Variants in RAB3C observed in about 807,000 individuals in gnomAD.
RAB3C encodes ras-related protein Rab-3C.
Under a neutral mutation model 26.4 loss-of-function variants are expected in RAB3C, and 17 were observed. The ratio of observed to expected loss-of-function variants is 0.64; its 90% confidence interval spans 0.44 to 0.97. RAB3C has a LOEUF of 0.97. RAB3C is among the 50% of genes least tolerant of loss of function. RAB3C has a pLI of 0.00. For synonymous variants in RAB3C, 91 were observed against 95.9 expected (o/e 0.95, Z 0.30); for missense variants, 242 against 281.9 (o/e 0.86, Z 1.01).
At chr5:58,790,919 C>T (rs1223877266) in intron 3 of RAB3C, among the ~76,000 whole-genome samples, 1 of 152,106 alleles carries the variant, frequency 6.6e-6, no homozygotes, top group African/African-American at 2.4e-5. Context: ...AGGTCTGTCT[C>T]GCTGGATCAG....
At chr5:58,818,713 T>C (rs1420671005) in intron 3 of RAB3C, among the ~76,000 whole-genome samples, 1 of 152,200 alleles carries the variant, frequency 6.6e-6, no homozygotes, top group African/African-American at 2.4e-5. Flanking sequence ...TCTTTTCACA[T>C]GTATACTGTT....
rs140821619 is a variant in RAB3C, at chr5:58,652,980, G to C, written c.252+35110G>C. On this transcript the variant is annotated intron_variant, in intron 2 of 4. Transcript: ENST00000282878. ...ATTTAGGGAAAAAAAAGCTATTTTT[G>C]TATTATTATACTTTAACTTCTAGGA... is the stretch of plus-strand genomic sequence containing the variant. 1.3e-4 allele frequency among the ~76,000 whole-genome samples: 20 copies of C among 152,184 alleles called. No individual in the cohort carries two copies. The East Asian group carries it at 3.9e-3, about 29-fold the overall frequency.
chr5:58,616,285 G>A (rs1746824200), intron 1 of RAB3C, among the ~76,000 whole-genome samples: 1 of 152,144 alleles, frequency 6.6e-6, no homozygotes, highest in Admixed American at 6.6e-5. Context: ...CTTGAAATGT[G>A]GCTAGTAGGA....
At position 58,851,413 on chromosome 5, in the gene RAB3C, T is replaced by G; in HGVS notation, c.*62T>G. Reference sequence around the variant, plus strand: ...GTTGCCAACAAACAGCATTTGTAAATGGTCTATTAGCCTTCATTTATACTG... The same window carrying G: ...GTTGCCAACAAACAGCATTTGTAAAGGGTCTATTAGCCTTCATTTATACTG... On this transcript the variant is annotated 3_prime_UTR_variant, in exon 5 of 5. Coordinates refer to ENST00000282878, the MANE Select transcript of RAB3C (RefSeq NM_138453.4). 1 of 1,362,776 alleles carries G rather than the reference T, an allele frequency of 7.3e-7. No homozygotes were observed. The allele number at this position is 1,362,776 out of a possible 1,614,324, so 84.4% of individuals were successfully genotyped here.
intron 2 of RAB3C, among the ~76,000 whole-genome samples, chr5:58,671,137 AT>A (rs1166178795): frequency 2.0e-5 from 3 of 152,112 alleles, no homozygotes; most frequent in Non-Finnish European, 4.4e-5. Flanking sequence ...CTGATGATTG[AT>A]TGCCTGTTGT....
intron 2 of RAB3C, among the ~76,000 whole-genome samples, chr5:58,679,438 C>T (rs760316923): frequency 5.9e-5 from 9 of 152,106 alleles, no homozygotes; most frequent in Non-Finnish European, 1.2e-4. Flanking sequence ...ATATTTGGAG[C>T]GCTTCAATCT....
At chr5:58,630,962 A>C (rs1747174788) in intron 2 of RAB3C, among the ~76,000 whole-genome samples, 1 of 152,206 alleles carries the variant, frequency 6.6e-6, no homozygotes, top group Admixed American at 6.5e-5. Flanking sequence ...ATCTTCTGAC[A>C]ATAGGTGGCT....
At chr5:58,648,282 A>G (rs1019470) in intron 2 of RAB3C, among the ~76,000 whole-genome samples, 11,234 of 152,124 alleles carry the variant, frequency 0.074, 1,050 homozygotes, top group African/African-American at 0.22. Context: ...GATTTTGTTT[A>G]TTTACCCATC....
At chr5:58,695,195 TC>T (rs1748669139) in intron 2 of RAB3C, among the ~76,000 whole-genome samples, 1 of 150,896 alleles carries the variant, frequency 6.6e-6, no homozygotes, top group South Asian at 2.1e-4. Flanking sequence ...GGAATCCATT[TC>T]TTGTTTTTGT....
chr5:58,670,693 G>A (rs1055181491), intron 2 of RAB3C, among the ~76,000 whole-genome samples: 4 of 152,168 alleles, frequency 2.6e-5, no homozygotes, highest in Non-Finnish European at 4.4e-5. Context: ...CTGTCCGCCC[G>A]AAGTGTAACT....
At chr5:58,812,554 T>A (rs1465613852) in intron 3 of RAB3C, among the ~76,000 whole-genome samples, 1 of 152,222 alleles carries the variant, frequency 6.6e-6, no homozygotes, top group Non-Finnish European at 1.5e-5. Flanking sequence ...ATTTGCAAGG[T>A]CTTGGTGTGG....
At chr5:58,646,928 A>G (rs1424101893) in intron 2 of RAB3C, among the ~76,000 whole-genome samples, 1 of 152,240 alleles carries the variant, frequency 6.6e-6, no homozygotes, top group Non-Finnish European at 1.5e-5. Context: ...TAAGGAGAAT[A>G]GTAATCACAC....
chr5:58,603,967 G>A (rs946798402), intron 1 of RAB3C, among the ~76,000 whole-genome samples: 3 of 152,164 alleles, frequency 2.0e-5, no homozygotes, highest in Admixed American at 2.0e-4. Context: ...GCTGAAGGCT[G>A]TTGTTCAGAT....
intron 2 of RAB3C, among the ~76,000 whole-genome samples, chr5:58,619,078 A>C (rs1020634393): frequency 6.6e-6 from 1 of 152,232 alleles, no homozygotes; most frequent in Non-Finnish European, 1.5e-5. Flanking sequence ...ATTAAAGTAG[A>C]AATTTAAAGT....
At chr5:58,763,447 T>A (rs1183842690) in intron 3 of RAB3C, among the ~76,000 whole-genome samples, 1 of 152,178 alleles carries the variant, frequency 6.6e-6, no homozygotes, top group Non-Finnish European at 1.5e-5. Flanking sequence ...TCTGAACACT[T>A]TTCCCCATGG....
intron 2 of RAB3C, among the ~76,000 whole-genome samples, chr5:58,712,979 G>T (rs1749093736): frequency 6.6e-6 from 1 of 152,084 alleles, no homozygotes; most frequent in South Asian, 2.1e-4. Context: ...GCCAAATTCT[G>T]ACATGAAGGG....
chr5:58,619,919 A>G (rs925700756), intron 2 of RAB3C, among the ~76,000 whole-genome samples: 2 of 151,632 alleles, frequency 1.3e-5, no homozygotes, highest in African/African-American at 4.8e-5. Flanking sequence ...CTTCTGGATG[A>G]ATATAGCTCT....
At chr5:58,761,653 C>A (rs1741799670) in intron 3 of RAB3C, among the ~76,000 whole-genome samples, 1 of 152,166 alleles carries the variant, frequency 6.6e-6, no homozygotes, top group African/African-American at 2.4e-5. Context: ...CACATGTACA[C>A]ACTCACTCCA....
At chr5:58,801,051 G>A (rs957399755) in intron 3 of RAB3C, among the ~76,000 whole-genome samples, 21 of 152,192 alleles carry the variant, frequency 1.4e-4, no homozygotes, top group Admixed American at 7.2e-4. Context: ...AAAAGCCCCC[G>A]CCCCAAAAGA....
Sources: gnomAD v4.1 joint callset for allele counts (sites outside exome capture counted in the v4.1 genomes callset) on GRCh38, gnomAD v4.1.1 for gene constraint, MANE v1.5 for transcripts, NCBI Gene and HGNC (gene_info 2026-07-23, HGNC 2026-07-21) for gene names.